SPEGNB: variants seen among roughly 807,000 people sequenced by gnomAD.
The protein encoded by SPEGNB is SPEG neighbor protein.
SPEGNB carries 12 observed loss-of-function variants against 18.3 expected under a neutral mutation model. That is an observed-to-expected ratio of 0.65 (90% CI 0.42 to 1.06). The LOEUF is 1.06. Ranked by LOEUF, SPEGNB falls within the 50% of genes least tolerant of loss-of-function variation. SPEGNB has a pLI of 0.00. For missense variants in SPEGNB, 273 were observed against 329.3 expected, an observed-to-expected ratio of 0.83 and a Z score of 1.32; for synonymous variants, 113 against 138.8, an observed-to-expected ratio of 0.81 and a Z score of 1.31.
At chr2:219,496,513 A>G in intron 2 of SPEGNB, 31 bp downstream of exon 2, 28 of 1,212,950 alleles carry the variant, frequency 2.3e-5, no homozygotes, top group Non-Finnish European at 3.0e-5. Flanking sequence ...CCTGTGGAGG[A>G]AGGGAGCTGC....
Position 219,497,046 on chromosome 2 carries a change from G to A in SPEGNB, c.366G>A (p.Leu122=), listed in dbSNP as rs1336868798. The change falls in exon 3 of 5, where the codon CTG becomes CTA. Residue 122 remains leucine, a synonymous_variant. Transcript: ENST00000651166. ...LVVRDGELAD[L]GQYSINVTNP... is the part of the protein sequence containing the mutation. ...TGCGCGACGGCGAGCTGGCAGACCTGGGCCAGTACAGCATCAACGTCACCA... is the reference window on the plus strand; with the variant it reads ...TGCGCGACGGCGAGCTGGCAGACCTAGGCCAGTACAGCATCAACGTCACCA... The A allele has an allele frequency of 2.9e-5, 38 of 1,290,284 alleles. No individual in the cohort carries two copies. The South Asian group carries it at 4.4e-4, about 15-fold the overall frequency. The allele number at this position is 1,290,284 out of a possible 1,614,324, so 79.9% of individuals were successfully genotyped here. A position where few individuals can be genotyped will look rare whatever the true frequency, so the allele number is the denominator to read the frequency against.
chr2:219,496,358 T>C lies in SPEGNB; in HGVS notation c.4T>C (p.Ser2Pro). M[S>P]KAAPAKKPVA... ...ATATTTGTCGCCCACTCCCCAGATG[T>C]CTAAAGCAGCTCCTGCCAAAAAGCC... The change falls in exon 2 of 5, where the codon TCT becomes CCT. Residue 2 changes from serine (S) to proline (P), a missense_variant. Transcript: ENST00000651166. 7.9e-7 allele frequency: 1 copy of C among 1,268,566 alleles called. No individual in the cohort carries two copies. Among genetic ancestry groups the C allele is most frequent in the Non-Finnish European group, 1.0e-6 (1 of 965,122 alleles). The allele number at this position is 1,268,566 out of a possible 1,614,324, so 78.6% of individuals were successfully genotyped here. A position where few individuals can be genotyped will look rare whatever the true frequency, so the allele number is the denominator to read the frequency against.
intron 3 of SPEGNB, 117 bp downstream of exon 3, chr2:219,497,233 C>A: frequency 1.2e-6 from 1 of 825,076 alleles, no homozygotes; most frequent in Non-Finnish European, 1.5e-6. Context: ...TCCCCGCCAG[C>A]CCAGCTCTGG....
rs1293397280 is a variant in SPEGNB, at chr2:219,496,915, G to T, written c.235G>T (p.Ala79Ser). ...GGCCAAGCTCACTTGCCGCATTTCG[G>T]CTTTCCCGGACCCATTCATCCGCTG... ...SAAKLTCRISAFPDPFIRWSK... is the reference protein window; with the variant it reads ...SAAKLTCRISSFPDPFIRWSK... Residue 79 changes from alanine to serine, a missense_variant, in exon 3 of 5, where the codon GCT becomes TCT. Physicochemically the swap from Ala to Ser is moderately conservative, Grantham distance 99 (BLOSUM62 1). Transcript: ENST00000651166. 9 of 1,301,172 alleles carry T rather than the reference G, an allele frequency of 6.9e-6. No homozygotes were observed. The highest frequency in any genetic ancestry group is 7.1e-6 in the Non-Finnish European group (7 of 986,288). The allele number at this position is 1,301,172 out of a possible 1,614,324, so 80.6% of individuals were successfully genotyped here. A position where few individuals can be genotyped will look rare whatever the true frequency, so the allele number is the denominator to read the frequency against.
Position 219,497,811 on chromosome 2 carries a change from G to A in SPEGNB, c.528G>A (p.Ala176=), listed in dbSNP as rs897492296. Residue 176 remains alanine, a synonymous_variant, in exon 4 of 5, where the codon GCG becomes GCA. Transcript: ENST00000651166. The stretch of plus-strand genomic sequence containing the variant: ...CTGCGGAGATCCTGGGAGAGCCTGC[G>A]CCCGACGTAGGCTGGACCAAGGACG... ...TLTAEILGEP[A]PDVGWTKDGE... is the part of the protein sequence containing the mutation. 6.9e-6 allele frequency: 9 copies of A among 1,304,312 alleles called. No individual in the cohort carries two copies. Among genetic ancestry groups the A allele is most frequent in the Non-Finnish European group, 9.1e-6 (9 of 988,964 alleles). 80.8% of individuals were successfully genotyped at this position (1,304,312 alleles called of 1,614,324 possible).
intron 4 of SPEGNB, 84 bp downstream of exon 4, chr2:219,497,945 G>T: frequency 1.6e-6 from 2 of 1,281,970 alleles, no homozygotes; most frequent in Non-Finnish European, 2.1e-6. Flanking sequence ...CTGGAGTGAC[G>T]GGGGCGGGGA....
Position 219,497,713 on chromosome 2 carries a change from C to T in SPEGNB, c.437-7C>T, listed in dbSNP as rs758856017. The T allele has an allele frequency of 7.7e-7, 1 of 1,302,858 alleles. No homozygotes were observed. The highest frequency in any genetic ancestry group is 1.5e-5 in the African/African-American group (1 of 65,828). 80.7% of individuals were successfully genotyped at this position (1,302,858 alleles called of 1,614,324 possible). ...CACGGGGTTTCGCTCCCCTTTCCTT[C>T]CGCTAGTCCCGACGAAGATTCAAAA... On this transcript the variant is annotated splice_polypyrimidine_tract_variant and splice_region_variant and intron_variant, in intron 3 of 4. Transcript: ENST00000651166.
rs1685319 is a variant in SPEGNB at position 219,496,796 on chromosome 2, G to A, written c.129-13G>A. On this transcript the variant is annotated splice_polypyrimidine_tract_variant and intron_variant, in intron 2 of 4. Transcript: ENST00000651166. ...TCTTAGGAACTCTGGGCCCTGACTC[G>A]GCCCGCGGGTAGGTCCCGGAAGGAG... 2.9e-5 allele frequency: 35 copies of A among 1,227,122 alleles called. No homozygotes were observed. Among genetic ancestry groups the A allele is most frequent in the Non-Finnish European group, 3.6e-5 (34 of 946,370 alleles). 76.0% of individuals were successfully genotyped at this position (1,227,122 alleles called of 1,614,324 possible). A position where few individuals can be genotyped will look rare whatever the true frequency, so the allele number is the denominator to read the frequency against.
In SPEGNB at chr2:219,498,182, T is replaced by G; in HGVS notation, c.710T>G (p.Val237Gly). The change falls in exon 5 of 5, where the codon GTG (valine) becomes GGG (glycine). Residue 237 changes from valine (V) to glycine (G), a missense_variant. By Grantham distance (109) the Val-to-Gly change is moderately radical. Coordinates refer to ENST00000651166, the MANE Select transcript of SPEGNB (RefSeq NM_001286811.2). ...GACCAGAGCTTCGCTCGCGTCGACG[T>G]GGCCTGAACGGCACCCCCGGACCTT... Reference protein sequence around the residue: ...GMDQSFARVDVA With the variant: ...GMDQSFARVDGA 7.7e-7 allele frequency: 1 copy of G among 1,303,408 alleles called. No homozygotes were observed. The highest frequency in any genetic ancestry group is 1.0e-6 in the Non-Finnish European group (1 of 988,504). The allele number at this position is 1,303,408 out of a possible 1,614,324, so 80.7% of individuals were successfully genotyped here.
At chr2:219,496,748 G>T in intron 2 of SPEGNB, 61 bp from the exon 3 acceptor site, 2 of 1,182,732 alleles carry the variant, frequency 1.7e-6, no homozygotes, top group South Asian at 1.5e-5. Flanking sequence ...GTGCGCTCGC[G>T]GTAAGGGCTG....
chr2:219,496,370 C>G lies in SPEGNB; in HGVS notation c.16C>G (p.Pro6Ala). 1 of 1,277,138 alleles carries G rather than the reference C, an allele frequency of 7.8e-7. No homozygotes were observed. The highest frequency in any genetic ancestry group is 1.0e-6 in the Non-Finnish European group (1 of 969,792). 79.1% of individuals were successfully genotyped at this position (1,277,138 alleles called of 1,614,324 possible). A position where few individuals can be genotyped will look rare whatever the true frequency, so the allele number is the denominator to read the frequency against. The change falls in exon 2 of 5, where the codon CCT becomes GCT. Residue 6 changes from proline to alanine, a missense_variant. Pro to Ala is a conservative substitution (Grantham distance 27). Coordinates refer to ENST00000651166, the MANE Select transcript of SPEGNB (RefSeq NM_001286811.2). MSKAA[P>A]AKKPVAVAPA... ...CACTCCCCAGATGTCTAAAGCAGCT[C>G]CTGCCAAAAAGCCAGTGGCTGTGGC...
Position 219,496,912 on chromosome 2 carries a change from T to G in SPEGNB, c.232T>G (p.Ser78Ala). The change falls in exon 3 of 5, where the codon TCG becomes GCG. Residue 78 changes from serine (S) to alanine (A), a missense_variant. By Grantham distance (99) the Ser-to-Ala change is moderately conservative. Transcript: ENST00000651166. The part of the protein sequence containing the change: ...GSAAKLTCRI[S>A]AFPDPFIRWS... ...CGCGGCCAAGCTCACTTGCCGCATTTCGGCTTTCCCGGACCCATTCATCCG... is the reference window on the plus strand; with the variant it reads ...CGCGGCCAAGCTCACTTGCCGCATTGCGGCTTTCCCGGACCCATTCATCCG... The G allele has an allele frequency of 7.7e-7, 1 of 1,300,894 alleles. No individual in the cohort carries two copies. The allele number at this position is 1,300,894 out of a possible 1,614,324, so 80.6% of individuals were successfully genotyped here.
At position 219,497,819 on chromosome 2, in the gene SPEGNB, T is replaced by G; in HGVS notation, c.536T>G (p.Val179Gly). Residue 179 changes from valine to glycine, a missense_variant, in exon 4 of 5, where the codon GTA becomes GGA. Coordinates refer to ENST00000651166, the MANE Select transcript of SPEGNB (RefSeq NM_001286811.2). ...AEILGEPAPD[V>G]GWTKDGEDIE... Reference sequence around the variant, plus strand: ...ATCCTGGGAGAGCCTGCGCCCGACGTAGGCTGGACCAAGGACGGGGAGGAC... The same window carrying G: ...ATCCTGGGAGAGCCTGCGCCCGACGGAGGCTGGACCAAGGACGGGGAGGAC... 7.7e-7 allele frequency: 1 copy of G among 1,303,724 alleles called. No individual in the cohort carries two copies. The highest frequency in any genetic ancestry group is 1.0e-6 in the Non-Finnish European group (1 of 988,852). The allele number at this position is 1,303,724 out of a possible 1,614,324, so 80.8% of individuals were successfully genotyped here.
Position 219,498,054 on chromosome 2 carries a change from GTTC to G in SPEGNB, c.586_588del (p.Phe196del). ...CCTCCCCGCCGCCCTTCCGCAGGGT[GTTC>G]TTCGAGATCGGCAGCACCACCACGA... On this transcript the variant is annotated inframe_deletion, in exon 5 of 5. Coordinates refer to ENST00000651166, the MANE Select transcript of SPEGNB (RefSeq NM_001286811.2). 3.8e-6 allele frequency: 5 copies of G among 1,302,254 alleles called. No individual in the cohort carries two copies. Among genetic ancestry groups the G allele is most frequent in the Non-Finnish European group, 5.1e-6 (5 of 987,844 alleles). 80.7% of individuals were successfully genotyped at this position (1,302,254 alleles called of 1,614,324 possible).
At chr2:219,497,658 G>C (rs952472651) in intron 3 of SPEGNB, 62 bp from the exon 4 acceptor site, 3 of 1,282,972 alleles carry the variant, frequency 2.3e-6, no homozygotes, top group Non-Finnish European at 3.1e-6. Context: ...TAGCCGGTGA[G>C]GTGATGCCCT....
intron 2 of SPEGNB, 86 bp downstream of exon 2, chr2:219,496,568 G>A (rs903874436): frequency 6.1e-5 from 70 of 1,139,302 alleles, no homozygotes; most frequent in South Asian, 6.1e-4. Context: ...GCTGAGCAGC[G>A]TCAGGAGCCT....
intron 4 of SPEGNB, 50 bp from the exon 5 acceptor site, chr2:219,498,001 G>T (rs529236901): frequency 4.7e-6 from 6 of 1,272,486 alleles, no homozygotes; most frequent in Non-Finnish European, 6.2e-6. Context: ...CGCCCAGTGC[G>T]CCCGTGTACT....
Position 219,498,134 on chromosome 2 carries a change from A to G in SPEGNB, c.662A>G (p.Tyr221Cys). ...TPQDSGKYEVYVENSLGMDQS... is the reference protein window; with the variant it reads ...TPQDSGKYEVCVENSLGMDQS... ...CAGGACAGCGGCAAGTACGAGGTGT[A>G]CGTGGAGAACAGCCTGGGCATGGAC... The change falls in exon 5 of 5, where the codon TAC (tyrosine) becomes TGC (cysteine). Residue 221 changes from tyrosine (Y) to cysteine (C), a missense_variant. Transcript: ENST00000651166. 1 of 1,304,306 alleles carries G rather than the reference A, an allele frequency of 7.7e-7. No homozygotes were observed. The highest frequency in any genetic ancestry group is 1.0e-6 in the Non-Finnish European group (1 of 988,962). 80.8% of individuals were successfully genotyped at this position (1,304,306 alleles called of 1,614,324 possible).
rs1406849157 is a variant in SPEGNB, at chr2:219,498,159, C to A, written c.687C>A (p.Asp229Glu). The A allele has an allele frequency of 2.3e-6, 3 of 1,304,138 alleles. No homozygotes were observed. Among genetic ancestry groups the A allele is most frequent in the Non-Finnish European group, 3.0e-6 (3 of 988,942 alleles). 80.8% of individuals were successfully genotyped at this position (1,304,138 alleles called of 1,614,324 possible). Residue 229 changes from aspartate to glutamate, a missense_variant, in exon 5 of 5, where the codon GAC becomes GAA. Transcript: ENST00000651166. ...ACGTGGAGAACAGCCTGGGCATGGACCAGAGCTTCGCTCGCGTCGACGTGG... is the reference window on the plus strand; with the variant it reads ...ACGTGGAGAACAGCCTGGGCATGGAACAGAGCTTCGCTCGCGTCGACGTGG... ...EVYVENSLGM[D>E]QSFARVDVA
Sources: allele counts gnomAD v4.1 joint callset, GRCh38; gene constraint gnomAD v4.1.1; transcripts MANE v1.5; gene names NCBI Gene and HGNC (gene_info 2026-07-23, HGNC 2026-07-21).